Variants in MYO3A observed in about 807,000 individuals in gnomAD.
MYO3A encodes the protein myosin IIIA, also known as myosin-IIIa.
A neutral mutation model predicts 192.7 loss-of-function variants in MYO3A; 180 were observed. The observed-to-expected ratio is 0.93, with a 90% CI of 0.83 to 1.06. The LOEUF is 1.06. Among genes scored for constraint, MYO3A ranks in the 50% least tolerant of loss-of-function variants. The pLI is 0.00. For synonymous variants in MYO3A, 628 were observed against 645.3 expected (o/e 0.97, Z 0.41); for missense variants, 1,896 against 1,905.0 (o/e 1.00, Z 0.09).
At chr10:26,205,463 C>CTTT (rs759042803) in intron 34 of MYO3A, among the ~76,000 whole-genome samples, 93 of 98,684 alleles carry the variant, frequency 9.4e-4, no homozygotes, top group East Asian at 1.6e-3. Context: ...GTGTGCTTGT[C>CTTT]TTTTTTTTTT....
chr10:26,170,640 C>T, intron 29 of MYO3A, 101 bp downstream of exon 29: 2 of 1,291,672 alleles, frequency 1.5e-6, no homozygotes, highest in Non-Finnish European at 2.2e-6. Flanking sequence ...TAGTCAGGTT[C>T]CTGATACTGA....
intron 21 of MYO3A, among the ~76,000 whole-genome samples, chr10:26,145,035 C>T (rs1840370303): frequency 6.6e-6 from 1 of 152,036 alleles, no homozygotes; most frequent in African/African-American, 2.4e-5. Flanking sequence ...AAAAATTAGC[C>T]AGGCATGGTG....
intron 2 of MYO3A, among the ~76,000 whole-genome samples, chr10:25,950,429 C>G (rs1837137662): frequency 6.6e-6 from 1 of 152,006 alleles, no homozygotes; most frequent in South Asian, 2.1e-4. Context: ...AATAGTAATT[C>G]CAGAGAACAG....
intron 26 of MYO3A, among the ~76,000 whole-genome samples, chr10:26,159,348 C>CT (rs890431952): frequency 3.5e-5 from 5 of 141,366 alleles, no homozygotes; most frequent in Admixed American, 1.5e-4. Context: ...TTTAGTTTTT[C>CT]TTTTTTTTCT....
chr10:26,120,585 A>G (rs1588990548), intron 17 of MYO3A, 91 bp from the exon 18 acceptor site: 1 of 1,548,096 alleles, frequency 6.5e-7, no homozygotes, highest in Non-Finnish European at 8.9e-7. Flanking sequence ...AAAGGGCCTG[A>G]GGGTTCTCTT....
rs1362097029 is a variant in MYO3A, at chr10:26,021,103, T to A, written c.586-400T>A. ...ATATTTACCTTTATTTCCTCCACTT[T>A]TAATTCTTCAAAAACATAGCCTTCA... is the stretch of plus-strand genomic sequence containing the variant. On this transcript the variant is annotated intron_variant, in intron 7 of 34. Coordinates refer to ENST00000642920, the MANE Select transcript of MYO3A (RefSeq NM_017433.5). Among the ~76,000 whole-genome samples, 3 of 152,326 alleles carry A rather than the reference T, an allele frequency of 2.0e-5. No individual in the cohort carries two copies. In the East Asian group the frequency reaches 5.8e-4, roughly 29 times the overall value.
At chr10:26,139,048 G>A (rs140149478) in intron 20 of MYO3A, among the ~76,000 whole-genome samples, 2 of 152,182 alleles carry the variant, frequency 1.3e-5, no homozygotes, top group East Asian at 1.9e-4. Context: ...TCCAAAACAC[G>A]TCATGTTTCT....
chr10:25,961,422 G>C (rs1469924652), intron 4 of MYO3A, among the ~76,000 whole-genome samples: 4 of 152,106 alleles, frequency 2.6e-5, no homozygotes, highest in Admixed American at 6.6e-5. Context: ...GAGTTGGATT[G>C]ATTAAAATGT....
intron 10 of MYO3A, among the ~76,000 whole-genome samples, chr10:26,033,260 T>C (rs1055189430): frequency 6.6e-6 from 1 of 152,060 alleles, no homozygotes; most frequent in Non-Finnish European, 1.5e-5. Flanking sequence ...TTTGTTTTTT[T>C]AGTAGAGATG....
chr10:26,088,111 C>CTA, intron 14 of MYO3A, 92 bp from the exon 15 acceptor site: 1 of 1,011,386 alleles, frequency 9.9e-7, no homozygotes, highest in South Asian at 1.7e-5. Flanking sequence ...ATGTTTATAT[C>CTA]TACATAAATT....
chr10:25,936,740 T>C (rs1836095334), intron 2 of MYO3A, among the ~76,000 whole-genome samples: 1 of 152,214 alleles, frequency 6.6e-6, no homozygotes, highest in African/African-American at 2.4e-5. Flanking sequence ...AACTTAAACA[T>C]TATGACCTTA....
intron 27 of MYO3A, among the ~76,000 whole-genome samples, chr10:26,166,776 T>A (rs1336244669): frequency 6.6e-6 from 1 of 152,210 alleles, no homozygotes; most frequent in Non-Finnish European, 1.5e-5. Flanking sequence ...GCTTCTATCA[T>A]AAACTTGAAA....
chr10:26,176,339 A>G (rs2132051403), intron 30 of MYO3A, among the ~76,000 whole-genome samples: 1 of 152,272 alleles, frequency 6.6e-6, no homozygotes, highest in East Asian at 1.9e-4. Context: ...AGGTTTACAC[A>G]ATCAAAGGCA....
chr10:26,082,525 C>T (rs1836025316), intron 14 of MYO3A, among the ~76,000 whole-genome samples: 1 of 152,118 alleles, frequency 6.6e-6, no homozygotes, highest in African/African-American at 2.4e-5. Flanking sequence ...TCTGCAAATG[C>T]AGTAGTCTCC....
intron 17 of MYO3A, among the ~76,000 whole-genome samples, chr10:26,109,726 G>T (rs1019106796): frequency 1.3e-5 from 2 of 152,184 alleles, no homozygotes; most frequent in African/African-American, 4.8e-5. Flanking sequence ...TTAACCAAGA[G>T]AAATTCAGAT....
At chr10:26,031,595 C>T (rs1198171861) in intron 10 of MYO3A, among the ~76,000 whole-genome samples, 1 of 152,182 alleles carries the variant, frequency 6.6e-6, no homozygotes, top group African/African-American at 2.4e-5. Flanking sequence ...AATTTCTTCC[C>T]CACAGCAGAA....
chr10:26,200,644 T>C (rs1431314535), intron 32 of MYO3A, among the ~76,000 whole-genome samples: 1 of 152,258 alleles, frequency 6.6e-6, no homozygotes, highest in African/African-American at 2.4e-5. Context: ...TTAAAATATA[T>C]CTAATGATTT....
At chr10:26,013,522 A>G (rs1036579440) in intron 6 of MYO3A, among the ~76,000 whole-genome samples, 1 of 152,190 alleles carries the variant, frequency 6.6e-6, no homozygotes, top group African/African-American at 2.4e-5. Context: ...ACTGTTCAAC[A>G]TCATTAATCA....
intron 10 of MYO3A, among the ~76,000 whole-genome samples, chr10:26,065,822 C>CAA: frequency 6.6e-6 from 1 of 151,204 alleles, no homozygotes; most frequent in Non-Finnish European, 1.5e-5. Context: ...TTATAGTATA[C>CAA]AAAAAGAGCA....
Sources: allele counts gnomAD v4.1 joint callset (sites outside exome capture counted in the v4.1 genomes callset), GRCh38; gene constraint gnomAD v4.1.1; transcripts MANE v1.5; gene names NCBI Gene and HGNC (gene_info 2026-07-23, HGNC 2026-07-21).